The following ST7L variants were observed in gnomAD, a reference collection of about 807,000 sequenced individuals.
ST7L encodes suppression of tumorigenicity 7 like.
In ST7L, 57 loss-of-function variants were observed where a neutral mutation model predicts 72.5. That is an observed-to-expected ratio of 0.79 (90% CI 0.64 to 0.98). The LOEUF is 0.98. ST7L is among the 50% of genes least tolerant of loss of function. The pLI is 0.00. For synonymous variants in ST7L, 221 were observed against 240.9 expected (o/e 0.92, Z 0.77); for missense variants, 576 against 672.2 (o/e 0.86, Z 1.58).
intron 6 of ST7L, among the ~76,000 whole-genome samples, chr1:112,587,619 A>G (rs1039735747): frequency 2.0e-5 from 3 of 152,206 alleles, no homozygotes; most frequent in Non-Finnish European, 2.9e-5. Context: ...AAAACAAAAC[A>G]AAACCATCAA....
intron 5 of ST7L, among the ~76,000 whole-genome samples, chr1:112,595,659 T>C (rs996074482): frequency 6.6e-6 from 1 of 152,146 alleles, no homozygotes; most frequent in Admixed American, 6.5e-5. Flanking sequence ...ACTCATGGGA[T>C]GCTCCTACCT....
At chr1:112,574,460 C>A (rs867287178) in intron 11 of ST7L, among the ~76,000 whole-genome samples, 1 of 151,658 alleles carries the variant, frequency 6.6e-6, no homozygotes. Flanking sequence ...GAGATCGAGA[C>A]CATCCTGGCT....
At chr1:112,562,951 G>C (rs1024297918) in intron 11 of ST7L, among the ~76,000 whole-genome samples, 3 of 152,056 alleles carry the variant, frequency 2.0e-5, no homozygotes, top group African/African-American at 7.2e-5. Flanking sequence ...GTTTAGAAAT[G>C]CGTAGAAAAT....
At chr1:112,549,296 G>C (rs930975042) in intron 13 of ST7L, among the ~76,000 whole-genome samples, 6 of 152,130 alleles carry the variant, frequency 3.9e-5, no homozygotes, top group African/African-American at 1.4e-4. Flanking sequence ...AGGAGGCTGA[G>C]GCACAAGAAT....
intron 14 of ST7L, among the ~76,000 whole-genome samples, chr1:112,535,553 G>C (rs907120596): frequency 3.3e-5 from 5 of 151,482 alleles, no homozygotes; most frequent in Admixed American, 6.6e-5. Flanking sequence ...AACAAAGTGA[G>C]ACCCCATCTC....
intron 13 of ST7L, among the ~76,000 whole-genome samples, chr1:112,544,760 A>G (rs1656779286): frequency 6.6e-6 from 1 of 152,232 alleles, no homozygotes; most frequent in Non-Finnish European, 1.5e-5. Flanking sequence ...AAGGTAGAAA[A>G]CTGCATAGCT....
intron 1 of ST7L, among the ~76,000 whole-genome samples, chr1:112,618,568 A>T (rs555277736): frequency 6.6e-6 from 1 of 152,258 alleles, no homozygotes; most frequent in South Asian, 2.1e-4. Context: ...AAGGGATCCT[A>T]CCAGAGGTGG....
In ST7L at chr1:112,569,684, C is replaced by T. The variant is rs182378059; in HGVS notation, c.1245+7302G>A. ...AATAAGAAAGACAGTATCAGCTGGG[C>T]GCAGTGGCTTACGCCTGTAATCCCA... is the stretch of plus-strand genomic sequence containing the variant. On this transcript the variant is annotated intron_variant, in intron 11 of 14. Coordinates refer to ENST00000358039, the MANE Select transcript of ST7L (RefSeq NM_017744.5). 2.6e-5 allele frequency among the ~76,000 whole-genome samples: 4 copies of T among 152,258 alleles called. No homozygotes were observed. The South Asian group carries it at 6.2e-4, about 24-fold the overall frequency.
intron 7 of ST7L, 144 bp downstream of exon 7, chr1:112,583,828 G>A (rs555793533): frequency 9.1e-6 from 8 of 882,436 alleles, no homozygotes; most frequent in Non-Finnish European, 1.4e-5. Context: ...TTGCTGGCTT[G>A]TAGGTATTGT....
downstream of ST7L, chr1:112,521,017 T>TGA: frequency 6.3e-6 from 1 of 157,866 alleles, no homozygotes; most frequent in Non-Finnish European, 1.4e-5. Flanking sequence ...ATTCTATTAT[T>TGA]GAGAGCCTGA....
intron 14 of ST7L, among the ~76,000 whole-genome samples, chr1:112,531,548 A>G (rs1378972990): frequency 6.6e-6 from 1 of 152,198 alleles, no homozygotes; most frequent in Non-Finnish European, 1.5e-5. Flanking sequence ...TTGGGTCACT[A>G]TATCTTACGG....
In ST7L at chr1:112,591,457, G is replaced by A. The variant is rs551548353; in HGVS notation, c.701+68C>T. On this transcript the variant is annotated intron_variant, in intron 6 of 14. Transcript: ENST00000358039. ...CCAAGTGTCTTAGGAACAGACAAAG[G>A]AGACATAAAAATCATTTGCCTTGGT... 5 of 1,329,640 alleles carry A rather than the reference G, an allele frequency of 3.8e-6. No homozygotes were observed. The East Asian group carries it at 7.0e-5, about 19-fold the overall frequency. The allele number at this position is 1,329,640 out of a possible 1,614,324, so 82.4% of individuals were successfully genotyped here.
At position 112,568,359 on chromosome 1, in the gene ST7L, C is replaced by T. The variant is rs573482755; in HGVS notation, c.1245+8627G>A. Among the ~76,000 whole-genome samples, 19 of 122,938 alleles carry T rather than the reference C, an allele frequency of 1.5e-4. No homozygotes were observed. The South Asian group carries it at 3.5e-3, about 23-fold the overall frequency. The allele number at this position is 122,938 out of a possible 152,430, so 80.7% of individuals were successfully genotyped here. On this transcript the variant is annotated intron_variant, in intron 11 of 14. Coordinates refer to ENST00000358039, the MANE Select transcript of ST7L (RefSeq NM_017744.5). The stretch of plus-strand genomic sequence containing the variant: ...TTTTTTTTTTTTTTTTTTTGTGAGA[C>T]GGAGTCTTGCTTTGTCGCCCAGGCT...
chr1:112,542,166 A>G (rs1162105515), intron 13 of ST7L, 76 bp from the exon 14 acceptor site: 2 of 1,379,718 alleles, frequency 1.4e-6, no homozygotes, highest in Non-Finnish European at 1.9e-6. Flanking sequence ...TTCAAATGAA[A>G]TCTGTTTTTA....
In ST7L at chr1:112,590,662, T is replaced by C. The variant is rs548819005; in HGVS notation, c.701+863A>G. ...TTAGTCTGCATTAGATTAGTATTTA[T>C]TGATCTGTTCCTTGTAAATAGTAAG... On this transcript the variant is annotated intron_variant, in intron 6 of 14. Transcript: ENST00000358039. 7.9e-5 allele frequency among the ~76,000 whole-genome samples: 12 copies of C among 152,354 alleles called. No homozygotes were observed. The East Asian group carries it at 2.3e-3, about 29-fold the overall frequency.
chr1:112,579,878 C>T (rs1350391486), intron 9 of ST7L, among the ~76,000 whole-genome samples: 1 of 152,118 alleles, frequency 6.6e-6, no homozygotes, highest in Non-Finnish European at 1.5e-5. Flanking sequence ...GAATCAGGTC[C>T]TATTCCAGTT....
chr1:112,593,070 G>C (rs1041885621), intron 5 of ST7L, among the ~76,000 whole-genome samples: 1 of 152,056 alleles, frequency 6.6e-6, no homozygotes, highest in Non-Finnish European at 1.5e-5. Context: ...CCTTAACACA[G>C]TATTATCAAT....
chr1:112,601,585 A>C (rs1667403331), intron 3 of ST7L, among the ~76,000 whole-genome samples: 1 of 152,110 alleles, frequency 6.6e-6, no homozygotes, highest in Admixed American at 6.6e-5. Context: ...GAAGTGATTA[A>C]ATTTGTTCTG....
chr1:112,586,269 CAAT>C (rs1290824880), intron 6 of ST7L, among the ~76,000 whole-genome samples: 1 of 151,790 alleles, frequency 6.6e-6, no homozygotes, highest in African/African-American at 2.4e-5. Context: ...CTCTATAAAA[CAAT>C]AATAATAAAG....
Sources: allele counts gnomAD v4.1 joint callset (sites outside exome capture counted in the v4.1 genomes callset), GRCh38; gene constraint gnomAD v4.1.1; transcripts MANE v1.5; gene names NCBI Gene and HGNC (gene_info 2026-07-23, HGNC 2026-07-21).